The following MARCHF11 variants were observed in gnomAD, a reference collection of about 807,000 sequenced individuals.
MARCHF11 encodes membrane associated ring-CH-type finger 11, also known as E3 ubiquitin-protein ligase MARCHF11.
A neutral mutation model predicts 37.3 loss-of-function variants in MARCHF11; 29 were observed. That is an observed-to-expected ratio of 0.78 (90% CI 0.58 to 1.06). MARCHF11 has a LOEUF of 1.06. Ranked by LOEUF, MARCHF11 falls within the 50% of genes least tolerant of loss-of-function variation. MARCHF11 has a pLI of 0.00. For synonymous variants in MARCHF11, 233 were observed against 228.0 expected (o/e 1.02, Z -0.20); for missense variants, 482 against 533.4 (o/e 0.90, Z 0.95).
At chr5:16,129,564 A>G (rs933253804) in intron 2 of MARCHF11, among the ~76,000 whole-genome samples, 4 of 152,162 alleles carry the variant, frequency 2.6e-5, no homozygotes, top group Non-Finnish European at 5.9e-5. Context: ...CATAATATTT[A>G]TTTTAGAGTT....
At chr5:16,107,764 GC>G (rs1737068531) in intron 2 of MARCHF11, among the ~76,000 whole-genome samples, 1 of 152,010 alleles carries the variant, frequency 6.6e-6, no homozygotes, top group South Asian at 2.1e-4. Flanking sequence ...GAGGAGACAA[GC>G]AGACAAATGG....
intron 3 of MARCHF11, among the ~76,000 whole-genome samples, chr5:16,070,555 A>G (rs967074204): frequency 2.0e-5 from 3 of 152,222 alleles, no homozygotes; most frequent in African/African-American, 4.8e-5. Flanking sequence ...GCAAGATCCT[A>G]TTCTTTTCTT....
At position 16,150,070 on chromosome 5, in the gene MARCHF11, C is replaced by G. The variant is rs1193269883; in HGVS notation, c.693+27656G>C. Among the ~76,000 whole-genome samples the G allele has an allele frequency of 2.0e-5, 3 of 149,140 alleles. 1 individual carries two copies. Among genetic ancestry groups the G allele is most frequent in the Non-Finnish European group, 4.4e-5 (3 of 67,948 alleles). Reference sequence around the variant, plus strand: ...GGAAGCCTGTTGGGAACTGAAACTTCCTCTGTCTTGATCTGGGTGGTGGTG... The same window carrying G: ...GGAAGCCTGTTGGGAACTGAAACTTGCTCTGTCTTGATCTGGGTGGTGGTG... On this transcript the variant is annotated intron_variant, in intron 2 of 3. Transcript: ENST00000332432.
At chr5:16,164,257 A>C (rs532168812) in intron 2 of MARCHF11, among the ~76,000 whole-genome samples, 1 of 152,230 alleles carries the variant, frequency 6.6e-6, no homozygotes, top group East Asian at 1.9e-4. Context: ...GTCCCAAAAT[A>C]TGTGAAGAAA....
intron 2 of MARCHF11, among the ~76,000 whole-genome samples, chr5:16,158,825 C>A (rs1320218429): frequency 6.6e-6 from 1 of 151,898 alleles, no homozygotes; most frequent in Non-Finnish European, 1.5e-5. Flanking sequence ...TTAAGCCCAG[C>A]ATGCATTCGT....
chr5:16,123,619 A>T (rs1187892699), intron 2 of MARCHF11, among the ~76,000 whole-genome samples: 1 of 152,134 alleles, frequency 6.6e-6, no homozygotes, highest in Non-Finnish European at 1.5e-5. Flanking sequence ...ATTTGGTTGC[A>T]TGGTGATGTT....
chr5:16,091,742 TCA>T (rs1451869918), intron 2 of MARCHF11, among the ~76,000 whole-genome samples: 1 of 152,234 alleles, frequency 6.6e-6, no homozygotes, highest in Non-Finnish European at 1.5e-5. Context: ...TCTTTGAAAC[TCA>T]CAACCATTTT....
At chr5:16,132,350 G>A (rs927048240) in intron 2 of MARCHF11, among the ~76,000 whole-genome samples, 8 of 152,270 alleles carry the variant, frequency 5.3e-5, no homozygotes, top group South Asian at 2.1e-4. Context: ...CCAACAGTCC[G>A]ACTTAGTACC....
At chr5:16,144,780 T>C (rs1172850008) in intron 2 of MARCHF11, among the ~76,000 whole-genome samples, 6 of 152,206 alleles carry the variant, frequency 3.9e-5, no homozygotes, top group Non-Finnish European at 7.3e-5. Flanking sequence ...TAATTTTCAG[T>C]TCATTATCTG....
chr5:16,162,925 A>G (rs1256512089), intron 2 of MARCHF11, among the ~76,000 whole-genome samples: 1 of 151,956 alleles, frequency 6.6e-6, no homozygotes, highest in Non-Finnish European at 1.5e-5. Flanking sequence ...AACAACATTA[A>G]GAAATGAAAC....
At chr5:16,148,780 G>A (rs1737845366) in intron 2 of MARCHF11, among the ~76,000 whole-genome samples, 2 of 152,132 alleles carry the variant, frequency 1.3e-5, no homozygotes, top group African/African-American at 2.4e-5. Flanking sequence ...AAATCTTAAA[G>A]AGACTGAGAT....
Position 16,179,026 on chromosome 5 carries a change from C to G in MARCHF11, c.537+13G>C. The G allele has an allele frequency of 6.9e-7, 1 of 1,448,540 alleles. No homozygotes were observed. The highest frequency in any genetic ancestry group is 9.0e-7 in the Non-Finnish European group (1 of 1,105,094). The allele number at this position is 1,448,540 out of a possible 1,614,324, so 89.7% of individuals were successfully genotyped here. A position where few individuals can be genotyped will look rare whatever the true frequency, so the allele number is the denominator to read the frequency against. On this transcript the variant is annotated intron_variant, in intron 1 of 3. Coordinates refer to ENST00000332432, the MANE Select transcript of MARCHF11 (RefSeq NM_001102562.3). ...GCCGCCACCGGCTGCCTCGGGGTCTCGCCGGGCCTTACCTGCTCCGCGCCC... is the reference window on the plus strand; with the variant it reads ...GCCGCCACCGGCTGCCTCGGGGTCTGGCCGGGCCTTACCTGCTCCGCGCCC...
intron 3 of MARCHF11, among the ~76,000 whole-genome samples, chr5:16,072,510 CTG>C (rs34699021): frequency 0.075 from 10,967 of 146,458 alleles, 411 homozygotes; most frequent in East Asian, 0.099. Flanking sequence ...CTCTCTCACT[CTG>C]TGTGTGTGTG....
intron 2 of MARCHF11, among the ~76,000 whole-genome samples, chr5:16,165,103 C>T (rs1237979500): frequency 1.3e-5 from 2 of 152,018 alleles, no homozygotes; most frequent in African/African-American, 4.8e-5. Flanking sequence ...TCTTTGGTGT[C>T]ACTCTTCCCC....
intron 2 of MARCHF11, among the ~76,000 whole-genome samples, chr5:16,113,176 T>A (rs985230511): frequency 3.8e-4 from 58 of 152,178 alleles, no homozygotes; most frequent in Non-Finnish European, 2.8e-4. Flanking sequence ...GACCTACTAT[T>A]TTTTCCCAAA....
At chr5:16,137,042 AAACAAAT>A (rs1414937340) in intron 2 of MARCHF11, among the ~76,000 whole-genome samples, 1 of 152,194 alleles carries the variant, frequency 6.6e-6, no homozygotes, top group African/African-American at 2.4e-5. Flanking sequence ...TTAAATAATA[AAACAAAT>A]AACATAAAAT....
chr5:16,139,217 A>T (rs1579406176), intron 2 of MARCHF11, among the ~76,000 whole-genome samples: 1 of 152,216 alleles, frequency 6.6e-6, no homozygotes, highest in East Asian at 1.9e-4. Flanking sequence ...TAATTGAATC[A>T]TGGGGGTGGG....
intron 2 of MARCHF11, among the ~76,000 whole-genome samples, chr5:16,159,873 T>C (rs567092352): frequency 1.3e-5 from 2 of 152,086 alleles, no homozygotes; most frequent in Admixed American, 1.3e-4. Context: ...TCCAGCAAGA[T>C]GGCTTGCCAT....
chr5:16,105,923 T>C (rs1471477965), intron 2 of MARCHF11, among the ~76,000 whole-genome samples: 1 of 152,144 alleles, frequency 6.6e-6, no homozygotes, highest in Non-Finnish European at 1.5e-5. Context: ...ATGCAAATAA[T>C]CCAGTATAAC....
Sources: allele counts gnomAD v4.1 joint callset (sites outside exome capture counted in the v4.1 genomes callset), GRCh38; gene constraint gnomAD v4.1.1; transcripts MANE v1.5; gene names NCBI Gene and HGNC (gene_info 2026-07-23, HGNC 2026-07-21).